NUGGC: variants seen among roughly 807,000 people sequenced by gnomAD.
The protein encoded by NUGGC is nuclear GTPase, germinal center associated.
Under a neutral mutation model 92.6 loss-of-function variants are expected in NUGGC, and 58 were observed. The observed-to-expected ratio is 0.63, with a 90% CI of 0.51 to 0.78. NUGGC has a LOEUF of 0.78. NUGGC is among the 30% of genes least tolerant of loss of function. The probability of loss-of-function intolerance (pLI) is 0.00; values close to 1 mark genes in which losing one functional copy is unlikely to be tolerated. For missense variants in NUGGC, 925 were observed against 964.6 expected, an observed-to-expected ratio of 0.96 and a Z score of 0.54; for synonymous variants, 376 against 366.4, an observed-to-expected ratio of 1.03 and a Z score of -0.30.
chr8:28,057,122 A>G (rs1429766526), intron 9 of NUGGC, among the ~76,000 whole-genome samples: 1 of 152,196 alleles, frequency 6.6e-6, no homozygotes, highest in East Asian at 1.9e-4. Context: ...GTGATCCTGG[A>G]GGGGCTCCCA....
intron 1 of NUGGC, among the ~76,000 whole-genome samples, chr8:28,078,778 A>G (rs1189432581): frequency 6.6e-6 from 1 of 152,220 alleles, no homozygotes; most frequent in East Asian, 1.9e-4. Context: ...AAAATGAGCT[A>G]CAGGAGTATA....
chr8:28,054,351 A>G (rs139769606), intron 10 of NUGGC, among the ~76,000 whole-genome samples: 2,532 of 152,152 alleles, frequency 0.017, 76 homozygotes, highest in African/African-American at 0.058. Flanking sequence ...GCATAGTGGC[A>G]GGCACTTGTA....
chr8:28,063,921 C>T (rs2130230832), intron 7 of NUGGC, among the ~76,000 whole-genome samples: 1 of 152,274 alleles, frequency 6.6e-6, no homozygotes, highest in Non-Finnish European at 1.5e-5. Context: ...TTACCGCGCC[C>T]TTTCTCAATC....
At chr8:28,050,020 G>A (rs1256810835) in intron 10 of NUGGC, among the ~76,000 whole-genome samples, 1 of 152,160 alleles carries the variant, frequency 6.6e-6, no homozygotes, top group Non-Finnish European at 1.5e-5. Context: ...CTGGGAAGCA[G>A]AGGCTGCAGT....
intron 1 of NUGGC, among the ~76,000 whole-genome samples, chr8:28,083,140 C>T (rs567047940): frequency 2.6e-5 from 4 of 152,162 alleles, no homozygotes; most frequent in Non-Finnish European, 5.9e-5. Context: ...GAGAACACGG[C>T]GGAGATTGGA....
chr8:28,055,610 A>G (rs1449332250), intron 10 of NUGGC, among the ~76,000 whole-genome samples: 2 of 152,224 alleles, frequency 1.3e-5, no homozygotes, highest in African/African-American at 4.8e-5. Context: ...AGGCAGGTGG[A>G]TCACTTGAGC....
intron 10 of NUGGC, among the ~76,000 whole-genome samples, chr8:28,054,528 T>C (rs1407225865): frequency 6.6e-6 from 1 of 152,074 alleles, no homozygotes; most frequent in Non-Finnish European, 1.5e-5. Flanking sequence ...ATAAGTTGTA[T>C]GTTTGTACCT....
intron 13 of NUGGC, among the ~76,000 whole-genome samples, chr8:28,040,081 G>A (rs1399214010): frequency 2.0e-5 from 3 of 152,160 alleles, no homozygotes; most frequent in South Asian, 2.1e-4. Context: ...AACTCACCCT[G>A]CTGACACCTT....
chr8:28,075,088 G>A, intron 1 of NUGGC, among the ~76,000 whole-genome samples: 1 of 152,210 alleles, frequency 6.6e-6, no homozygotes, highest in Non-Finnish European at 1.5e-5. Flanking sequence ...ACTGGGGCAA[G>A]GCTTGAACCC....
chr8:28,053,423 T>C (rs768821832), intron 10 of NUGGC, among the ~76,000 whole-genome samples: 1 of 152,128 alleles, frequency 6.6e-6, no homozygotes, highest in Non-Finnish European at 1.5e-5. Flanking sequence ...GAATTCAACG[T>C]TGCAGTGAGT....
chr8:28,068,223 G>C lies in NUGGC; in HGVS notation c.473C>G (p.Ser158Cys), dbSNP rs1169510786. Residue 158 changes from serine (S) to cysteine (C), a missense_variant, in exon 5 of 19, where the codon TCT (serine) becomes TGT (cysteine). Transcript: ENST00000413272. Reference protein sequence around the residue: ...VQYEAKIHLLSDQEWREELKN... With the variant: ...VQYEAKIHLLCDQEWREELKN... ...GAGGAAGGGAACACTTACCTGGTCA[G>C]ACAGAAGGTGGATTTTGGCCTCATA... 6.5e-7 allele frequency: 1 copy of C among 1,546,122 alleles called. No individual in the cohort carries two copies. Among genetic ancestry groups the C allele is most frequent in the Non-Finnish European group, 8.7e-7 (1 of 1,143,208 alleles).
chr8:28,079,675 G>GT (rs1313640145), intron 1 of NUGGC, among the ~76,000 whole-genome samples: 24 of 152,310 alleles, frequency 1.6e-4, no homozygotes, highest in African/African-American at 5.8e-4. Flanking sequence ...CAAGTTCAAT[G>GT]TTCTTTTCAT....
intron 18 of NUGGC, among the ~76,000 whole-genome samples, chr8:28,025,966 T>A (rs1809249140): frequency 6.6e-6 from 1 of 152,150 alleles, no homozygotes; most frequent in Admixed American, 6.5e-5. Flanking sequence ...CCATGGAGAT[T>A]TTTATGCACA....
chr8:28,053,841 G>A (rs1810067402), intron 10 of NUGGC, among the ~76,000 whole-genome samples: 1 of 152,176 alleles, frequency 6.6e-6, no homozygotes, highest in Admixed American at 6.5e-5. Flanking sequence ...AAGACCAGCT[G>A]TACTAAGTTT....
intron 14 of NUGGC, 73 bp from the exon 15 acceptor site, chr8:28,031,454 C>A: frequency 7.1e-7 from 1 of 1,410,156 alleles, no homozygotes. Context: ...ACGAAACTAG[C>A]TGGTGTCCTT....
chr8:28,029,469 C>A (rs1809357905), intron 16 of NUGGC, 67 bp from the exon 17 acceptor site: 1 of 1,570,016 alleles, frequency 6.4e-7, no homozygotes, highest in Non-Finnish European at 8.7e-7. Flanking sequence ...GGCACCATGG[C>A]CGGGCATGGT....
At position 28,030,298 on chromosome 8, in the gene NUGGC, C is replaced by T. The variant is rs560036453; in HGVS notation, c.2017+12G>A. 3.8e-5 allele frequency: 56 copies of T among 1,458,878 alleles called. No individual in the cohort carries two copies. The East Asian group carries it at 5.8e-4, about 15-fold the overall frequency. 90.4% of individuals were successfully genotyped at this position (1,458,878 alleles called of 1,614,324 possible). A position where few individuals can be genotyped will look rare whatever the true frequency, so the allele number is the denominator to read the frequency against. ...CAGAGCAGGCAGAAATGCTGTCCTCCGCAGCCCCCACCTTCGTAACAGAGC... is the reference window on the plus strand; with the variant it reads ...CAGAGCAGGCAGAAATGCTGTCCTCTGCAGCCCCCACCTTCGTAACAGAGC... On this transcript the variant is annotated intron_variant, in intron 16 of 18. Coordinates refer to ENST00000413272, the MANE Select transcript of NUGGC (RefSeq NM_001010906.2).
intron 18 of NUGGC, among the ~76,000 whole-genome samples, chr8:28,024,491 G>A (rs963986675): frequency 2.0e-5 from 3 of 152,224 alleles, no homozygotes; most frequent in South Asian, 2.1e-4. Flanking sequence ...CTCCACCATC[G>A]TGTGGGCCAA....
At chr8:28,055,561 T>C (rs1318174248) in intron 10 of NUGGC, among the ~76,000 whole-genome samples, 1 of 151,996 alleles carries the variant, frequency 6.6e-6, no homozygotes, top group Admixed American at 6.6e-5. Context: ...ATCCAAACTG[T>C]CTCCTATAGG....
Sources: gnomAD v4.1 joint callset for allele counts (sites outside exome capture counted in the v4.1 genomes callset) on GRCh38, gnomAD v4.1.1 for gene constraint, MANE v1.5 for transcripts, NCBI Gene and HGNC (gene_info 2026-07-23, HGNC 2026-07-21) for gene names.